The following TNNI3K variants were observed in gnomAD, a reference collection of about 807,000 sequenced individuals.
TNNI3K encodes the protein TNNI3 interacting kinase.
In TNNI3K, 140 loss-of-function variants were observed where a neutral mutation model predicts 114.5. The observed-to-expected ratio is 1.22, with a 90% confidence interval of 1.07 to 1.41. The LOEUF (loss-of-function observed/expected upper bound fraction) is 1.41, where lower values mean the gene tolerates loss of function less well. TNNI3K is among the 40% of genes most tolerant of loss of function. The pLI, the probability that TNNI3K is intolerant of heterozygous loss-of-function variation, is 0.00. For missense variants in TNNI3K, 1,125 were observed against 1,007.6 expected (o/e 1.12, Z -1.58); for synonymous variants, 347 against 347.5 (o/e 1.00, Z 0.02).
intron 5 of TNNI3K, among the ~76,000 whole-genome samples, chr1:74,278,438 A>C (rs1291809171): frequency 3.3e-5 from 5 of 152,184 alleles, no homozygotes; most frequent in Non-Finnish European, 5.9e-5. Context: ...GACATGATAC[A>C]CAGAAGCTTA....
intron 17 of TNNI3K, among the ~76,000 whole-genome samples, chr1:74,399,263 T>C (rs1664243443): frequency 6.6e-6 from 1 of 151,724 alleles, no homozygotes; most frequent in African/African-American, 2.4e-5. Flanking sequence ...AAGGAAAGAC[T>C]TGGAATTTTC....
intron 7 of TNNI3K, among the ~76,000 whole-genome samples, chr1:74,341,132 C>T (rs1660728048): frequency 6.6e-6 from 1 of 152,076 alleles, no homozygotes; most frequent in African/African-American, 2.4e-5. Flanking sequence ...CAGTTGATTC[C>T]ATTATTTTAG....
At chr1:74,389,138 T>A (rs1248152505) in intron 17 of TNNI3K, among the ~76,000 whole-genome samples, 1 of 152,108 alleles carries the variant, frequency 6.6e-6, no homozygotes, top group Non-Finnish European at 1.5e-5. Context: ...GCATTTGCCA[T>A]AGGTCAGGAG....
chr1:74,262,526 A>G (rs1444769365), intron 4 of TNNI3K, among the ~76,000 whole-genome samples: 4 of 152,074 alleles, frequency 2.6e-5, no homozygotes, highest in Admixed American at 2.6e-4. Context: ...AGATAGTAAT[A>G]AGAAATAATT....
intron 21 of TNNI3K, chr1:74,470,949 T>C: frequency 5.0e-6 from 2 of 400,726 alleles, no homozygotes; most frequent in East Asian, 7.1e-5. Flanking sequence ...TCCTGGAATG[T>C]TGGAATGGTA....
intron 9 of TNNI3K, among the ~76,000 whole-genome samples, chr1:74,348,490 T>G (rs1438062150): frequency 6.6e-6 from 1 of 152,208 alleles, no homozygotes; most frequent in Non-Finnish European, 1.5e-5. Flanking sequence ...GGCTCTTTCT[T>G]GGTTCCATAA....
rs183332589 is a variant in TNNI3K at position 74,316,678 on chromosome 1, T to A, written c.445-14772T>A. On this transcript the variant is annotated intron_variant, in intron 5 of 24. Transcript: ENST00000326637. ...CTTCCCTCTTTTATTATTTTTTTTTTAATTTTTATTTATTTATTTATTTAT... is the reference window on the plus strand; with the variant it reads ...CTTCCCTCTTTTATTATTTTTTTTTAAATTTTTATTTATTTATTTATTTAT... 4.8e-3 allele frequency among the ~76,000 whole-genome samples: 722 copies of A among 151,520 alleles called. 5 individuals are homozygous for A. The highest frequency in any genetic ancestry group is 7.8e-3 in the Non-Finnish European group (529 of 67,798).
At chr1:74,276,494 AAGTT>A (rs1423304624) in intron 5 of TNNI3K, among the ~76,000 whole-genome samples, 3 of 152,140 alleles carry the variant, frequency 2.0e-5, no homozygotes, top group Non-Finnish European at 4.4e-5. Context: ...GGTATCAAAA[AAGTT>A]AGTGCAGAAA....
rs556110716 is a variant in TNNI3K, at chr1:74,372,005, A to G, written c.1772+1613A>G. 5.9e-5 allele frequency: 9 copies of G among 151,732 alleles called. No individual in the cohort carries two copies. In the East Asian group the frequency reaches 7.8e-4, roughly 13 times the overall value. The allele number at this position is 151,732 out of a possible 1,614,324, so 9.4% of individuals were successfully genotyped here. A position where few individuals can be genotyped will look rare whatever the true frequency, so the allele number is the denominator to read the frequency against. ...AAAATACAGAGTTTATTCAAGCTCA[A>G]AGCTTGAGGATCATTACCCATGAGC... is the stretch of plus-strand genomic sequence containing the variant. On this transcript the variant is annotated intron_variant, in intron 17 of 24. Transcript: ENST00000326637.
intron 17 of TNNI3K, among the ~76,000 whole-genome samples, chr1:74,384,235 A>T (rs1383817994): frequency 6.6e-6 from 1 of 152,146 alleles, no homozygotes; most frequent in East Asian, 1.9e-4. Flanking sequence ...TTGCTCAATT[A>T]ACACGCTATT....
intron 7 of TNNI3K, among the ~76,000 whole-genome samples, chr1:74,338,625 GTTCAAAA>G (rs1468301413): frequency 2.0e-5 from 3 of 151,928 alleles, no homozygotes; most frequent in Non-Finnish European, 4.4e-5. Context: ...CAGTTCCTTG[GTTCAAAA>G]TTCAGATTGA....
intron 23 of TNNI3K, among the ~76,000 whole-genome samples, chr1:74,496,151 T>C (rs1669316275): frequency 6.6e-6 from 1 of 152,148 alleles, no homozygotes; most frequent in Admixed American, 6.6e-5. Flanking sequence ...GATTCCAATA[T>C]ACATCCAAGT....
At chr1:74,430,461 C>T (rs1665840818) in intron 17 of TNNI3K, among the ~76,000 whole-genome samples, 1 of 152,078 alleles carries the variant, frequency 6.6e-6, no homozygotes, top group Non-Finnish European at 1.5e-5. Context: ...AACACACACA[C>T]ATATGCACAC....
In TNNI3K at chr1:74,251,039, T is replaced by C. The variant is rs146382789; in HGVS notation, c.333+270T>C. On this transcript the variant is annotated intron_variant, in intron 4 of 24. Coordinates refer to ENST00000326637, the MANE Select transcript of TNNI3K (RefSeq NM_015978.3). The stretch of plus-strand genomic sequence containing the variant: ...GATTATTATCCCCAAGGTTACATGG[T>C]TAGCCAGGGGTTAGCCAGGATTTAA... Among the ~76,000 whole-genome samples, 201 of 152,246 alleles carry C rather than the reference T, an allele frequency of 1.3e-3. 1 individual carries two copies. Among genetic ancestry groups the C allele is most frequent in the Admixed American group, 2.4e-3 (36 of 15,290 alleles).
At chr1:74,349,141 C>G (rs1349894879) in intron 9 of TNNI3K, among the ~76,000 whole-genome samples, 1 of 152,052 alleles carries the variant, frequency 6.6e-6, no homozygotes, top group Middle Eastern at 3.2e-3. Flanking sequence ...GTTTGTCATG[C>G]ATAGCTCTTA....
chr1:74,258,981 G>A (rs1655502857), intron 4 of TNNI3K, among the ~76,000 whole-genome samples: 1 of 152,110 alleles, frequency 6.6e-6, no homozygotes, highest in African/African-American at 2.4e-5. Flanking sequence ...TTCAAGCGTG[G>A]CAACTCAAAT....
At chr1:74,531,464 T>C (rs1305663174) in intron 23 of TNNI3K, among the ~76,000 whole-genome samples, 1 of 152,060 alleles carries the variant, frequency 6.6e-6, no homozygotes, top group Non-Finnish European at 1.5e-5. Context: ...AGAGGAAAGG[T>C]GGGCTAAGAG....
At chr1:74,521,614 G>T (rs1646434618) in intron 23 of TNNI3K, among the ~76,000 whole-genome samples, 1 of 152,060 alleles carries the variant, frequency 6.6e-6, no homozygotes. Flanking sequence ...TTTAGCAAAT[G>T]ATTGGTAAAG....
intron 17 of TNNI3K, among the ~76,000 whole-genome samples, chr1:74,407,379 T>C (rs1276604118): frequency 2.0e-5 from 3 of 152,328 alleles, no homozygotes; most frequent in Admixed American, 2.0e-4. Flanking sequence ...GGAAATGTGA[T>C]TCTGATGCCT....
Sources: gnomAD v4.1 joint callset for allele counts (sites outside exome capture counted in the v4.1 genomes callset) on GRCh38, gnomAD v4.1.1 for gene constraint, MANE v1.5 for transcripts, NCBI Gene and HGNC (gene_info 2026-07-23, HGNC 2026-07-21) for gene names.